GINM1: variants seen among roughly 807,000 people sequenced by gnomAD.
GINM1 encodes the protein glycoprotein integral membrane protein 1.
In GINM1, 29 loss-of-function variants were observed where a neutral mutation model predicts 37.8. The ratio of observed to expected loss-of-function variants is 0.77; its 90% CI spans 0.57 to 1.05. The LOEUF (loss-of-function observed/expected upper bound fraction) is 1.05. Among genes scored for constraint, GINM1 ranks in the 50% least tolerant of loss-of-function variants. The pLI is 0.00. For missense variants in GINM1, 377 were observed against 397.9 expected (o/e 0.95, Z 0.45); for synonymous variants, 143 against 146.2 (o/e 0.98, Z 0.16).
chr6:149,588,795 TTTGTTGTTGTTG>T (rs535417334), intron 7 of GINM1, among the ~76,000 whole-genome samples: 2 of 150,958 alleles, frequency 1.3e-5, no homozygotes, highest in South Asian at 2.1e-4. Flanking sequence ...GCCTGGCTAA[TTTGTTGTTGTTG>T]TTGTTGTTGT....
At position 149,573,673 on chromosome 6, in the gene GINM1, C is replaced by T. The variant is rs1039571492; in HGVS notation, c.277+1070C>T. Among the ~76,000 whole-genome samples the T allele has an allele frequency of 3.3e-5, 5 of 152,066 alleles. No homozygotes were observed. The East Asian group carries it at 7.7e-4, about 24-fold the overall frequency. On this transcript the variant is annotated intron_variant, in intron 3 of 7. Coordinates refer to ENST00000367419, the MANE Select transcript of GINM1 (RefSeq NM_138785.5). The stretch of plus-strand genomic sequence containing the variant: ...GCCTGAGCCCTGAGTTCGAGACCAG[C>T]CCGGGCAACATGGTAAAACCTTGTC...
intron 3 of GINM1, among the ~76,000 whole-genome samples, chr6:149,578,525 C>CAAA (rs145601764): frequency 4.6e-4 from 33 of 71,308 alleles, no homozygotes; most frequent in Non-Finnish European, 5.8e-4. Flanking sequence ...GACTCCATCT[C>CAAA]AAAAAAAAAA....
At chr6:149,577,448 G>A (rs998479329) in intron 3 of GINM1, 2 of 153,306 alleles carry the variant, frequency 1.3e-5, no homozygotes, top group South Asian at 2.1e-4. Context: ...CAGATGAGGA[G>A]CCTGAGGAGG....
intron 6 of GINM1, among the ~76,000 whole-genome samples, chr6:149,581,085 G>A (rs533009838): frequency 1.4e-3 from 219 of 152,308 alleles, no homozygotes; most frequent in African/African-American, 5.0e-3. Context: ...TCAGGTGGTT[G>A]AGAATATACT....
chr6:149,588,627 GTTTT>G (rs1393815645), intron 7 of GINM1, among the ~76,000 whole-genome samples: 1 of 151,802 alleles, frequency 6.6e-6, no homozygotes, highest in Non-Finnish European at 1.5e-5. Context: ...TTTTTTGTTT[GTTTT>G]TTGTTTTTTA....
intron 7 of GINM1, among the ~76,000 whole-genome samples, chr6:149,583,420 A>C (rs1778028686): frequency 6.6e-6 from 1 of 151,958 alleles, no homozygotes. Context: ...CCGAGATTGC[A>C]CCACTGCACT....
rs183628911 is a variant in GINM1 at position 149,584,824 on chromosome 6, T to G, written c.881+2221T>G. ...ATAAATATTTATAAATGTATATATA[T>G]ATAGAGAGAGAGAGAGAGAGACACG... is the stretch of plus-strand genomic sequence containing the variant. On this transcript the variant is annotated intron_variant, in intron 7 of 7. Transcript: ENST00000367419. 4.3e-3 allele frequency among the ~76,000 whole-genome samples: 640 copies of G among 149,398 alleles called. 4 individuals are homozygous for G. Among genetic ancestry groups the G allele is most frequent in the African/African-American group, 0.013 (537 of 40,672 alleles).
At chr6:149,571,351 A>G (rs1342897346) in intron 1 of GINM1, among the ~76,000 whole-genome samples, 1 of 152,058 alleles carries the variant, frequency 6.6e-6, no homozygotes, top group African/African-American at 2.4e-5. Flanking sequence ...CTTTATTTAT[A>G]AAAGGAAAAA....
At chr6:149,579,054 ATTTG>A in intron 4 of GINM1, 81 bp downstream of exon 4, 2 of 871,596 alleles carry the variant, frequency 2.3e-6, no homozygotes, top group South Asian at 2.3e-5. Context: ...CAGTTATTTT[ATTTG>A]TTTCCGACTT....
intron 3 of GINM1, among the ~76,000 whole-genome samples, chr6:149,578,609 C>A (rs1400543448): frequency 6.6e-6 from 1 of 151,468 alleles, no homozygotes; most frequent in Non-Finnish European, 1.5e-5. Context: ...ACACATTTTA[C>A]CCTTTCAAAT....
In GINM1 at chr6:149,578,851, G is replaced by C; in HGVS notation, c.307G>C (p.Glu103Gln). The change falls in exon 4 of 8, where the codon GAA becomes CAA. Residue 103 changes from glutamate to glutamine, a missense_variant. Physicochemically the swap from Glu to Gln is conservative, Grantham distance 29. Transcript: ENST00000367419. The part of the protein sequence containing the change: ...VKNENLENLE[E>Q]KEYFGIVSVR... ...GAATGAAAATCTTGAAAATTTGGAG[G>C]AAAAAGAATATTTTGGAATTGTCAG... The C allele has an allele frequency of 6.3e-7, 1 of 1,583,970 alleles. No individual in the cohort carries two copies. Among genetic ancestry groups the C allele is most frequent in the East Asian group, 2.2e-5 (1 of 44,560 alleles).
chr6:149,576,612 T>C (rs1777918476), intron 3 of GINM1, among the ~76,000 whole-genome samples: 1 of 150,664 alleles, frequency 6.6e-6, no homozygotes, highest in Non-Finnish European at 1.5e-5. Flanking sequence ...GAAAAAAAAA[T>C]CATTCATAGA....
intron 7 of GINM1, among the ~76,000 whole-genome samples, chr6:149,589,954 C>G (rs537862157): frequency 5.9e-5 from 9 of 152,232 alleles, no homozygotes; most frequent in African/African-American, 2.2e-4. Context: ...CTGCATGTGT[C>G]CCATGCCCAG....
At chr6:149,568,979 G>A (rs1053653026) in intron 1 of GINM1, among the ~76,000 whole-genome samples, 2 of 151,124 alleles carry the variant, frequency 1.3e-5, no homozygotes, top group African/African-American at 4.9e-5. Context: ...CTACTGGCGC[G>A]TGCCACCACA....
intron 3 of GINM1, among the ~76,000 whole-genome samples, chr6:149,572,975 T>C (rs757062692): frequency 6.6e-6 from 1 of 152,218 alleles, no homozygotes; most frequent in Non-Finnish European, 1.5e-5. Flanking sequence ...CTGTTCTGTT[T>C]TTAATAATAC....
In GINM1 at chr6:149,571,308, C is replaced by G. The variant is rs373648955; in HGVS notation, c.121-977C>G. ...AGCCTGGGCAACAGAGCGAGACTCC[C>G]TCTCAAAAAAAAAAAAAAAAAAGTC... is the stretch of plus-strand genomic sequence containing the variant. On this transcript the variant is annotated intron_variant, in intron 1 of 7. Coordinates refer to ENST00000367419, the MANE Select transcript of GINM1 (RefSeq NM_138785.5). Among the ~76,000 whole-genome samples the G allele has an allele frequency of 2.0e-4, 28 of 138,158 alleles. No homozygotes were observed. The East Asian group carries it at 5.4e-3, about 27-fold the overall frequency. 90.6% of individuals were successfully genotyped at this position (138,158 alleles called of 152,430 possible).
Position 149,580,593 on chromosome 6 carries a change from A to G in GINM1, c.587A>G (p.Glu196Gly). 1 of 1,607,314 alleles carries G rather than the reference A, an allele frequency of 6.2e-7. No individual in the cohort carries two copies. The highest frequency in any genetic ancestry group is 1.1e-5 in the South Asian group (1 of 89,758). ...LFTLPNLSKKESVSSLQTTSQ... is the reference protein window; with the variant it reads ...LFTLPNLSKKGSVSSLQTTSQ... Reference sequence around the variant, plus strand: ...TAACGTTGCTCTTTCTCCTGGGTAGAAAGTGTTAGTTCACTGCAAACCACT... The same window carrying G: ...TAACGTTGCTCTTTCTCCTGGGTAGGAAGTGTTAGTTCACTGCAAACCACT... Residue 196 changes from glutamate (E) to glycine (G), a missense_variant and splice_region_variant, in exon 6 of 8, where the codon GAA (glutamate) becomes GGA (glycine). Glu to Gly is a moderately conservative substitution (Grantham distance 98). Transcript: ENST00000367419.
chr6:149,576,225 T>C (rs1777912152), intron 3 of GINM1: 1 of 152,152 alleles, frequency 6.6e-6, no homozygotes. Context: ...CCTTCTGAGC[T>C]CTTGAACTGA....
intron 3 of GINM1, among the ~76,000 whole-genome samples, chr6:149,575,856 T>G (rs1427934980): frequency 6.6e-6 from 1 of 152,212 alleles, no homozygotes; most frequent in Non-Finnish European, 1.5e-5. Context: ...TGGCCATCTT[T>G]TAGTCATCCC....
Sources: gnomAD v4.1 joint callset for allele counts (sites outside exome capture counted in the v4.1 genomes callset) on GRCh38, gnomAD v4.1.1 for gene constraint, MANE v1.5 for transcripts, NCBI Gene and HGNC (gene_info 2026-07-23, HGNC 2026-07-21) for gene names.